MED12L: variants seen among roughly 807,000 people sequenced by gnomAD.
MED12L encodes the protein mediator of RNA polymerase II transcription subunit 12-like protein.
A neutral mutation model predicts 281.3 loss-of-function variants in MED12L; 60 were observed. That is an observed-to-expected ratio of 0.21 (90% confidence interval 0.17 to 0.26). The LOEUF (loss-of-function observed/expected upper bound fraction) is 0.26. Ranked by LOEUF, MED12L falls within the 10% of genes least tolerant of loss-of-function variation. MED12L has a pLI of 1.00. For missense variants in MED12L, 2,146 were observed against 2,680.9 expected (o/e 0.80, Z 4.41); for synonymous variants, 974 against 987.2 (o/e 0.99, Z 0.25).
intron 6 of MED12L, 134 bp from the exon 7 acceptor site, chr3:151,158,555 G>T: frequency 1.7e-6 from 1 of 572,860 alleles, no homozygotes. Flanking sequence ...TTAGAATTTG[G>T]ACTGTGAGCA....
intron 16 of MED12L, among the ~76,000 whole-genome samples, chr3:151,305,620 G>A (rs1032501912): frequency 6.6e-6 from 1 of 152,058 alleles, no homozygotes; most frequent in Non-Finnish European, 1.5e-5. Context: ...CTCACACTGT[G>A]AGTAATGGGT....
chr3:151,114,293 C>T (rs757050986), intron 2 of MED12L, among the ~76,000 whole-genome samples: 8 of 152,064 alleles, frequency 5.3e-5, no homozygotes, highest in Admixed American at 3.3e-4. Context: ...ACTTGATTAC[C>T]ATAGAGTGAA....
intron 39 of MED12L, among the ~76,000 whole-genome samples, chr3:151,396,445 T>C (rs184794972): frequency 2.6e-5 from 4 of 152,136 alleles, no homozygotes; most frequent in African/African-American, 4.8e-5. Context: ...CTGGCCAACA[T>C]GGTGAAACTC....
chr3:151,381,650 T>C (rs1712368280), intron 32 of MED12L, among the ~76,000 whole-genome samples: 12 of 152,190 alleles, frequency 7.9e-5, no homozygotes. Flanking sequence ...TGATCACCTC[T>C]AAAAATAGGA....
At chr3:151,371,970 A>G (rs1201060229) in intron 26 of MED12L, among the ~76,000 whole-genome samples, 4 of 152,156 alleles carry the variant, frequency 2.6e-5, no homozygotes, top group Non-Finnish European at 4.4e-5. Flanking sequence ...TCTAATTTGT[A>G]TGTTACAGAG....
chr3:151,269,738 A>T, intron 16 of MED12L: 1 of 420,380 alleles, frequency 2.4e-6, no homozygotes, highest in Non-Finnish European at 4.6e-6. Flanking sequence ...GTTCTCTCCA[A>T]GGAATTTCAT....
At chr3:151,200,233 C>T (rs1001050057) in intron 16 of MED12L, among the ~76,000 whole-genome samples, 18 of 152,060 alleles carry the variant, frequency 1.2e-4, no homozygotes, top group Admixed American at 3.9e-4. Flanking sequence ...AAATCTGGAA[C>T]ATTGAGCGGG....
intron 5 of MED12L, among the ~76,000 whole-genome samples, chr3:151,140,067 A>C (rs1208520887): frequency 6.6e-6 from 1 of 152,226 alleles, no homozygotes; most frequent in Non-Finnish European, 1.5e-5. Context: ...GTAGCATTAC[A>C]ATTTAGTTAT....
At chr3:151,333,103 C>T (rs9834154) in intron 16 of MED12L, among the ~76,000 whole-genome samples, 17,232 of 152,224 alleles carry the variant, frequency 0.11, 1,251 homozygotes, top group Middle Eastern at 0.17. Flanking sequence ...TGCATAGTAT[C>T]TCATGGTGTA....
chr3:151,325,254 A>G (rs1350036096), intron 16 of MED12L, among the ~76,000 whole-genome samples: 1 of 152,120 alleles, frequency 6.6e-6, no homozygotes, highest in Non-Finnish European at 1.5e-5. Flanking sequence ...TTGGTTTCTC[A>G]AGAATTCTTC....
At chr3:151,095,164 A>AT (rs1169616906) in intron 2 of MED12L, among the ~76,000 whole-genome samples, 1 of 152,238 alleles carries the variant, frequency 6.6e-6, no homozygotes, top group Non-Finnish European at 1.5e-5. Flanking sequence ...AATGTAAGGT[A>AT]TAAATTCAGT....
intron 5 of MED12L, among the ~76,000 whole-genome samples, chr3:151,144,481 C>G (rs1468684856): frequency 6.6e-6 from 1 of 152,150 alleles, no homozygotes; most frequent in Non-Finnish European, 1.5e-5. Flanking sequence ...TCTTGTCAGA[C>G]CCTCCCTTGT....
intron 16 of MED12L, among the ~76,000 whole-genome samples, chr3:151,234,277 C>A (rs530180303): frequency 2.0e-5 from 3 of 152,328 alleles, no homozygotes; most frequent in South Asian, 2.1e-4. Flanking sequence ...TAGTAACTTT[C>A]AAAGCTTCAA....
intron 42 of MED12L, among the ~76,000 whole-genome samples, chr3:151,414,215 T>C (rs1231218207): frequency 3.9e-5 from 6 of 152,214 alleles, no homozygotes; most frequent in Admixed American, 6.5e-5. Flanking sequence ...TGTTTACCTG[T>C]GTCATTTGTC....
chr3:151,207,536 C>G (rs1240856580), intron 16 of MED12L, among the ~76,000 whole-genome samples: 1 of 151,896 alleles, frequency 6.6e-6, no homozygotes, highest in Non-Finnish European at 1.5e-5. Flanking sequence ...GCTTGGGTGT[C>G]TCTGTGAGGA....
At chr3:151,218,037 A>G (rs1418219498) in intron 16 of MED12L, among the ~76,000 whole-genome samples, 1 of 152,144 alleles carries the variant, frequency 6.6e-6, no homozygotes, top group Non-Finnish European at 1.5e-5. Flanking sequence ...CGTGATATCT[A>G]CTCAGTCTCC....
chr3:151,269,441 A>ACACACACACACACAC (rs1559962861), intron 16 of MED12L: 19 of 231,344 alleles, frequency 8.2e-5, no homozygotes, highest in Middle Eastern at 1.5e-3. Flanking sequence ...ACACACACAC[A>ACACACACACACACAC]AAATTCAGAG....
intron 37 of MED12L, 73 bp downstream of exon 37, chr3:151,388,245 T>C: frequency 6.6e-7 from 1 of 1,504,948 alleles, no homozygotes; most frequent in African/African-American, 1.4e-5. Flanking sequence ...CCAAATCATA[T>C]CCCTCGAAAC....
chr3:151,143,926 A>G (rs1717395535), intron 5 of MED12L, among the ~76,000 whole-genome samples: 1 of 152,234 alleles, frequency 6.6e-6, no homozygotes, highest in African/African-American at 2.4e-5. Flanking sequence ...GTTATTCCCT[A>G]TGATACGAAT....
Sources: allele counts gnomAD v4.1 joint callset (sites outside exome capture counted in the v4.1 genomes callset), GRCh38; gene constraint gnomAD v4.1.1; transcripts MANE v1.5; gene names NCBI Gene and HGNC (gene_info 2026-07-23, HGNC 2026-07-21).